SLC44A1: variants seen among roughly 807,000 people sequenced by gnomAD.
The protein encoded by SLC44A1 is solute carrier family 44 member 1.
A neutral mutation model predicts 79.3 loss-of-function variants in SLC44A1; 26 were observed. That is an observed-to-expected ratio of 0.33 (90% confidence interval 0.24 to 0.46). SLC44A1 has a LOEUF of 0.46. Ranked by LOEUF, SLC44A1 falls within the 20% of genes least tolerant of loss-of-function variation. The pLI is 1.00. For missense variants in SLC44A1, 688 were observed against 798.1 expected, an observed-to-expected ratio of 0.86 and a Z score of 1.66; for synonymous variants, 263 against 286.2, an observed-to-expected ratio of 0.92 and a Z score of 0.82.
At chr9:105,303,308 G>A (rs1213312463) in intron 2 of SLC44A1, among the ~76,000 whole-genome samples, 1 of 151,926 alleles carries the variant, frequency 6.6e-6, no homozygotes, top group Non-Finnish European at 1.5e-5. Flanking sequence ...ACTTCATTCT[G>A]TCTCAAGGAG....
chr9:105,413,413 C>A (rs965768110), intron 15 of SLC44A1, among the ~76,000 whole-genome samples: 8 of 152,176 alleles, frequency 5.3e-5, no homozygotes, highest in Admixed American at 5.2e-4. Context: ...TAGGTGCCGC[C>A]CATCTTCCTG....
intron 6 of SLC44A1, among the ~76,000 whole-genome samples, chr9:105,357,914 T>A (rs1376893344): frequency 3.3e-5 from 5 of 152,230 alleles, no homozygotes; most frequent in Non-Finnish European, 4.4e-5. Flanking sequence ...AATACATAGA[T>A]TACTCAATAA....
At chr9:105,382,896 T>C (rs1320471077) in intron 13 of SLC44A1, among the ~76,000 whole-genome samples, 1 of 152,236 alleles carries the variant, frequency 6.6e-6, no homozygotes, top group Non-Finnish European at 1.5e-5. Context: ...TAATTATGTT[T>C]AAACCAGAAT....
chr9:105,288,791 T>C (rs889383185), intron 1 of SLC44A1, among the ~76,000 whole-genome samples: 8 of 152,226 alleles, frequency 5.3e-5, no homozygotes, highest in African/African-American at 1.7e-4. Context: ...GTGAGAGTAG[T>C]ATCCTAACTA....
At chr9:105,332,095 T>A (rs892377254) in intron 3 of SLC44A1, among the ~76,000 whole-genome samples, 1 of 151,722 alleles carries the variant, frequency 6.6e-6, no homozygotes, top group Admixed American at 6.6e-5. Context: ...AAGCTTAATA[T>A]CTTTTCTTTT....
intron 1 of SLC44A1, among the ~76,000 whole-genome samples, chr9:105,266,017 G>T (rs753215079): frequency 3.9e-5 from 6 of 152,144 alleles, no homozygotes; most frequent in Non-Finnish European, 5.9e-5. Context: ...GAGTGCAGTG[G>T]TGCAATCATA....
intron 15 of SLC44A1, among the ~76,000 whole-genome samples, chr9:105,387,724 A>G (rs994631107): frequency 1.3e-5 from 2 of 152,182 alleles, no homozygotes; most frequent in African/African-American, 4.8e-5. Context: ...GAGGTTGAAG[A>G]CTAGGTAATG....
chr9:105,354,116 T>A (rs891381974), intron 5 of SLC44A1, among the ~76,000 whole-genome samples: 1 of 138,378 alleles, frequency 7.2e-6, no homozygotes, highest in African/African-American at 2.8e-5. Flanking sequence ...AGTGGCGCGA[T>A]CTCGGCTCAC....
chr9:105,311,753 A>G (rs1183884934), intron 3 of SLC44A1, among the ~76,000 whole-genome samples: 1 of 152,118 alleles, frequency 6.6e-6, no homozygotes, highest in Non-Finnish European at 1.5e-5. Context: ...TTACTGTATG[A>G]CCTTTTTAGT....
At chr9:105,246,191 T>C (rs1284357269) in intron 1 of SLC44A1, among the ~76,000 whole-genome samples, 1 of 152,200 alleles carries the variant, frequency 6.6e-6, no homozygotes, top group Non-Finnish European at 1.5e-5. Context: ...AGCTAGCATC[T>C]GTGATAATGC....
Position 105,367,650 on chromosome 9 carries a change from AC to A in SLC44A1, c.1494+1226del, listed in dbSNP as rs1564462292. Among the ~76,000 whole-genome samples, 3 of 152,186 alleles carry A rather than the reference AC, an allele frequency of 2.0e-5. No homozygotes were observed. In the East Asian group the frequency reaches 5.8e-4, roughly 29 times the overall value. Reference sequence around the variant, plus strand: ...TCTCTAGTCTCAATCCTACTGCCGTACCCCCAGGCACCTTTTGCTTTTGCAG... The same window carrying A: ...TCTCTAGTCTCAATCCTACTGCCGTACCCCAGGCACCTTTTGCTTTTGCAG... On this transcript the variant is annotated intron_variant, in intron 12 of 15. Coordinates refer to ENST00000374720, the MANE Select transcript of SLC44A1 (RefSeq NM_080546.5).
chr9:105,374,318 A>T (rs138209135), intron 12 of SLC44A1, among the ~76,000 whole-genome samples: 1 of 152,366 alleles, frequency 6.6e-6, no homozygotes, highest in East Asian at 1.9e-4. Context: ...TTACTAAAAC[A>T]GGGAAGAAGT....
intron 3 of SLC44A1, among the ~76,000 whole-genome samples, chr9:105,334,999 C>A (rs765706628): frequency 1.3e-5 from 2 of 152,106 alleles, no homozygotes; most frequent in Non-Finnish European, 1.5e-5. Context: ...TAACACCCAG[C>A]GATGACTGTA....
At chr9:105,283,569 T>C (rs185074169) in intron 1 of SLC44A1, among the ~76,000 whole-genome samples, 212 of 152,340 alleles carry the variant, frequency 1.4e-3, no homozygotes, top group Non-Finnish European at 2.7e-3. Flanking sequence ...CCCAGCAGGC[T>C]AATTTATTCA....
At chr9:105,285,607 T>A (rs148348979) in intron 1 of SLC44A1, among the ~76,000 whole-genome samples, 4 of 152,128 alleles carry the variant, frequency 2.6e-5, no homozygotes, top group Non-Finnish European at 4.4e-5. Flanking sequence ...TTAGTTCTTA[T>A]AGGTTTTGGG....
rs1828825836 is a variant in SLC44A1, at chr9:105,394,200, T to G, written c.*5144T>G. ...GCTCTAAAGTTGTTCTGATAATGTG[T>G]TTTGAAATGAGGAAGTGATTAGGCC... On this transcript the variant is annotated 3_prime_UTR_variant, in exon 16 of 16. Coordinates refer to ENST00000374720, the MANE Select transcript of SLC44A1 (RefSeq NM_080546.5). 2 of 985,218 alleles carry G rather than the reference T, an allele frequency of 2.0e-6. No individual in the cohort carries two copies. The highest frequency in any genetic ancestry group is 1.2e-4 in the Admixed American group (2 of 16,252). The allele number at this position is 985,218 out of a possible 1,614,324, so 61.0% of individuals were successfully genotyped here. A position where few individuals can be genotyped will look rare whatever the true frequency, so the allele number is the denominator to read the frequency against.
chr9:105,271,938 C>G (rs898152911), intron 1 of SLC44A1, among the ~76,000 whole-genome samples: 3 of 152,120 alleles, frequency 2.0e-5, no homozygotes, highest in African/African-American at 7.2e-5. Flanking sequence ...AATGCTAGTT[C>G]TAGGGTTATG....
intron 2 of SLC44A1, among the ~76,000 whole-genome samples, chr9:105,302,162 C>G (rs936729295): frequency 2.6e-5 from 4 of 152,160 alleles, no homozygotes; most frequent in African/African-American, 9.7e-5. Context: ...TAAGTTCTAT[C>G]TTCTACATTT....
At chr9:105,405,786 C>T (rs936502116) in intron 15 of SLC44A1, among the ~76,000 whole-genome samples, 5 of 152,070 alleles carry the variant, frequency 3.3e-5, no homozygotes, top group African/African-American at 7.2e-5. Context: ...GTCAATGGCA[C>T]TTAAAGGCTT....
Sources: gnomAD v4.1 joint callset for allele counts (sites outside exome capture counted in the v4.1 genomes callset) on GRCh38, gnomAD v4.1.1 for gene constraint, MANE v1.5 for transcripts, NCBI Gene and HGNC (gene_info 2026-07-23, HGNC 2026-07-21) for gene names.